RASA4: variants seen among roughly 807,000 people sequenced by gnomAD.
The protein encoded by RASA4 is ras GTPase-activating protein 4.
In RASA4, 5 loss-of-function variants were observed where a neutral mutation model predicts 24.0. The observed-to-expected ratio is 0.21, with a 90% CI of 0.11 to 0.44. RASA4 has a LOEUF of 0.44. RASA4 is among the 20% of genes least tolerant of loss of function. The pLI is 0.99. For missense variants in RASA4, 38 were observed against 293.0 expected (o/e 0.13, Z 6.35); for synonymous variants, 9 against 132.7 (o/e 0.07, Z 6.41).
Position 102,581,012 on chromosome 7 carries a change from T to TA in RASA4, c.*1758dup, listed in dbSNP as rs1392455950. 3 of 127,668 alleles carry TA rather than the reference T, an allele frequency of 2.3e-5. No individual in the cohort carries two copies. Among genetic ancestry groups the TA allele is most frequent in the African/African-American group, 7.9e-5 (3 of 38,080 alleles). The allele number at this position is 127,668 out of a possible 1,614,324, so 7.9% of individuals were successfully genotyped here. On this transcript the variant is annotated 3_prime_UTR_variant, in exon 21 of 21. Transcript: ENST00000262940. The stretch of plus-strand genomic sequence containing the variant: ...TTCTTCCCTTTCCTTCCTGGTAGCT[T>TA]AAAAAAATAGAGATAACAGGATAAA...
intron 18 of RASA4, among the ~76,000 whole-genome samples, chr7:102,587,125 AACAAC>A (rs1789795547): frequency 3.8e-5 from 1 of 26,648 alleles, no homozygotes; most frequent in African/African-American, 1.0e-4. Context: ...CAACAACAAC[AACAAC>A]AAAACAAGAG....
At chr7:102,606,395 C>CAAA (rs555519087) in intron 4 of RASA4, among the ~76,000 whole-genome samples, 7 of 55,478 alleles carry the variant, frequency 1.3e-4, no homozygotes, top group African/African-American at 2.9e-4. Context: ...GACCCCATCT[C>CAAA]AAAAAAAAAA....
chr7:102,613,807 G>C (rs1453510963), intron 1 of RASA4, among the ~76,000 whole-genome samples: 2 of 152,046 alleles, frequency 1.3e-5, no homozygotes, highest in African/African-American at 4.8e-5. Context: ...CTTGGTGTGG[G>C]AGGCAGTGGG....
Position 102,595,259 on chromosome 7 carries a change from A to T in RASA4, c.1071+46T>A, listed in dbSNP as rs1238149252. ...CCCCCTCTGTCGCTCTCTGAAGCTC[A>T]GTGTTGTCATTTGCAAGATGAGGAC... On this transcript the variant is annotated intron_variant, in intron 11 of 20. Coordinates refer to ENST00000262940, the MANE Select transcript of RASA4 (RefSeq NM_006989.6). 4.6e-5 allele frequency: 50 copies of T among 1,093,384 alleles called. 9 individuals are homozygous for T. The highest frequency in any genetic ancestry group is 6.3e-5 in the Non-Finnish European group (48 of 762,850). The allele number at this position is 1,093,384 out of a possible 1,614,324, so 67.7% of individuals were successfully genotyped here. A position where few individuals can be genotyped will look rare whatever the true frequency, so the allele number is the denominator to read the frequency against.
At chr7:102,613,452 AC>A (rs1290806220) in intron 1 of RASA4, among the ~76,000 whole-genome samples, 1 of 111,506 alleles carries the variant, frequency 9.0e-6, no homozygotes, top group Admixed American at 9.0e-5. Flanking sequence ...TGGAAGCAGG[AC>A]CCGAGTCCTG....
intron 17 of RASA4, among the ~76,000 whole-genome samples, 193 bp downstream of exon 17, chr7:102,589,958 CACCCAGGG>C (rs1789892729): frequency 9.9e-5 from 1 of 10,112 alleles, no homozygotes; most frequent in Admixed American, 9.9e-4. Flanking sequence ...ATTCCCACAG[CACCCAGGG>C]CATTCCCATA....
chr7:102,595,341 G>A lies in RASA4; in HGVS notation c.1035C>T (p.Asn345=), dbSNP rs539291718. The A allele has an allele frequency of 2.7e-6, 4 of 1,456,014 alleles. 1 individual carries two copies. In the African/African-American group the frequency reaches 4.5e-5, roughly 16 times the overall value. 90.2% of individuals were successfully genotyped at this position (1,456,014 alleles called of 1,614,324 possible). A position where few individuals can be genotyped will look rare whatever the true frequency, so the allele number is the denominator to read the frequency against. The stretch of plus-strand genomic sequence containing the variant: ...ACTCCATGGACTTTGAGGCCAGAGA[G>A]TTGCTCCGGAACAGGGTGTTGGTCT... The part of the protein sequence containing the change: ...TSETNTLFRS[N]SLASKSMESF... The change falls in exon 11 of 21, where the codon AAC becomes AAT. Residue 345 remains asparagine, a synonymous_variant. Transcript: ENST00000262940.
rs1789657992 is a variant in RASA4, at chr7:102,580,833, ACT to A, written c.*1936_*1937del. ...ACTCCAGCCTGGGCAACACAGTGAG[ACT>A]CTGTCTCAAAAAAAAAAAAAAAAAA... On this transcript the variant is annotated 3_prime_UTR_variant, in exon 21 of 21. Transcript: ENST00000262940. 1.4e-5 allele frequency: 1 copy of A among 69,672 alleles called. No individual in the cohort carries two copies. Among genetic ancestry groups the A allele is most frequent in the Non-Finnish European group, 3.1e-5 (1 of 32,572 alleles). 4.3% of individuals were successfully genotyped at this position (69,672 alleles called of 1,614,324 possible).
chr7:102,591,812 G>A (rs1353622170), intron 16 of RASA4, among the ~76,000 whole-genome samples: 1 of 147,902 alleles, frequency 6.8e-6, no homozygotes, highest in Non-Finnish European at 1.5e-5. Flanking sequence ...AACCTGGTAA[G>A]GTCGGATCAA....
chr7:102,597,613 A>G (rs1406130518), intron 8 of RASA4, among the ~76,000 whole-genome samples: 2 of 130,184 alleles, frequency 1.5e-5, no homozygotes, highest in African/African-American at 5.2e-5. Flanking sequence ...TTTAGTACAG[A>G]CGGGATTTCA....
intron 8 of RASA4, among the ~76,000 whole-genome samples, chr7:102,599,481 C>CA (rs1790354877): frequency 1.4e-5 from 1 of 73,990 alleles, no homozygotes; most frequent in African/African-American, 4.4e-5. Flanking sequence ...ACTAAAAATG[C>CA]AAAAAATTAG....
intron 16 of RASA4, 93 bp from the exon 17 acceptor site, chr7:102,590,389 G>C (rs2133441030): frequency 8.7e-6 from 1 of 114,416 alleles, no homozygotes; most frequent in South Asian, 4.5e-5. Flanking sequence ...TGCAGCACCA[G>C]GGGTAGGCAT....
chr7:102,597,687 G>C (rs1410719306), intron 8 of RASA4, among the ~76,000 whole-genome samples: 1 of 142,834 alleles, frequency 7.0e-6, no homozygotes, highest in East Asian at 2.1e-4. Context: ...GCCACCCAAA[G>C]TGCTGAGATT....
chr7:102,607,821 C>CA (rs1790712827), intron 4 of RASA4, among the ~76,000 whole-genome samples: 1 of 41,610 alleles, frequency 2.4e-5, no homozygotes, highest in Non-Finnish European at 6.0e-5. Context: ...TTAGTAGAGA[C>CA]AGAGTTTTGC....
rs1164953357 is a variant in RASA4 at position 102,580,389 on chromosome 7, C to CTTT, written c.*2379_*2381dup. 3.5e-4 allele frequency: 20 copies of CTTT among 56,704 alleles called. No individual in the cohort carries two copies. Among genetic ancestry groups the CTTT allele is most frequent in the South Asian group, 3.5e-3 (6 of 1,732 alleles). The allele number at this position is 56,704 out of a possible 1,614,324, so 3.5% of individuals were successfully genotyped here. On this transcript the variant is annotated 3_prime_UTR_variant, in exon 21 of 21. Coordinates refer to ENST00000262940, the MANE Select transcript of RASA4 (RefSeq NM_006989.6). The stretch of plus-strand genomic sequence containing the variant: ...AAAATTTCAAGTCTCCTTTATTTTC[C>CTTT]TTTTTTTTTTTTTTTTTTTTTTAAT...
intron 4 of RASA4, among the ~76,000 whole-genome samples, chr7:102,608,276 T>TTA (rs372805684): frequency 6.3e-5 from 4 of 63,554 alleles, no homozygotes; most frequent in South Asian, 6.5e-4. Flanking sequence ...GCCTTTTTTT[T>TTA]AAAAAAAAAC....
chr7:102,603,833 T>G (rs1240885080), intron 5 of RASA4, among the ~76,000 whole-genome samples: 3 of 95,154 alleles, frequency 3.2e-5, no homozygotes, highest in Non-Finnish European at 3.9e-5. Flanking sequence ...AGAGCCAGAC[T>G]GCCTCAAAAA....
intron 5 of RASA4, among the ~76,000 whole-genome samples, chr7:102,602,688 A>AG (rs1272293300): frequency 2.5e-4 from 27 of 106,604 alleles, no homozygotes; most frequent in Non-Finnish European, 1.9e-4. Flanking sequence ...TGGGGGTGGC[A>AG]GGGGGGTGGT....
At chr7:102,613,738 G>A (rs1160424296) in intron 1 of RASA4, among the ~76,000 whole-genome samples, 1 of 151,964 alleles carries the variant, frequency 6.6e-6, no homozygotes, top group African/African-American at 2.4e-5. Flanking sequence ...TTTCTAGGCT[G>A]TGGAAGGAGG....
Sources: gnomAD v4.1 joint callset for allele counts (sites outside exome capture counted in the v4.1 genomes callset) on GRCh38, gnomAD v4.1.1 for gene constraint, MANE v1.5 for transcripts, NCBI Gene and HGNC (gene_info 2026-07-23, HGNC 2026-07-21) for gene names.